The following RBL2 variants were observed in gnomAD, a reference collection of about 807,000 sequenced individuals.
RBL2 encodes the protein retinoblastoma-like protein 2.
A neutral mutation model predicts 126.0 loss-of-function variants in RBL2; 56 were observed. The ratio of observed to expected loss-of-function variants is 0.44; its 90% CI spans 0.36 to 0.56. RBL2 has a LOEUF of 0.56. Among genes scored for constraint, RBL2 ranks in the 20% least tolerant of loss-of-function variants. RBL2 has a pLI of 0.00. For missense variants in RBL2, 1,229 were observed against 1,398.2 expected, an observed-to-expected ratio of 0.88 and a Z score of 1.93; for synonymous variants, 454 against 478.5, an observed-to-expected ratio of 0.95 and a Z score of 0.67.
chr16:53,487,137 T>C (rs1961208301), intron 21 of RBL2, among the ~76,000 whole-genome samples: 1 of 152,328 alleles, frequency 6.6e-6, no homozygotes, highest in East Asian at 1.9e-4. Flanking sequence ...TTTCTCCCAA[T>C]TGATCTATAA....
intron 8 of RBL2, among the ~76,000 whole-genome samples, chr16:53,456,689 T>C (rs990503488): frequency 6.6e-6 from 1 of 152,250 alleles, no homozygotes; most frequent in South Asian, 2.1e-4. Context: ...GTTCTTCAGA[T>C]ATGCCAGGCA....
intron 17 of RBL2, among the ~76,000 whole-genome samples, chr16:53,475,848 T>C (rs1960709065): frequency 7.4e-6 from 1 of 135,116 alleles, no homozygotes; most frequent in Admixed American, 7.4e-5. Flanking sequence ...TTTTTTTTTT[T>C]TTTTTTTTTT....
At chr16:53,486,035 A>G (rs1332755013) in intron 21 of RBL2, among the ~76,000 whole-genome samples, 2 of 151,834 alleles carry the variant, frequency 1.3e-5, no homozygotes, top group Non-Finnish European at 2.9e-5. Context: ...TCATGCCTGT[A>G]ATCCCAGCAC....
intron 11 of RBL2, 83 bp downstream of exon 11, chr16:53,462,738 T>G (rs1232996693): frequency 3.5e-6 from 3 of 853,832 alleles, no homozygotes; most frequent in Non-Finnish European, 5.4e-6. Flanking sequence ...TTTTTTTTAC[T>G]TTATATATAG....
intron 3 of RBL2, among the ~76,000 whole-genome samples, chr16:53,443,507 G>T (rs536655530): frequency 1.1e-4 from 17 of 152,294 alleles, no homozygotes; most frequent in Admixed American, 1.0e-3. Context: ...CAGGAGAACT[G>T]AAACTATTAT....
At chr16:53,473,293 A>G (rs978518204) in intron 17 of RBL2, among the ~76,000 whole-genome samples, 3 of 152,112 alleles carry the variant, frequency 2.0e-5, no homozygotes, top group African/African-American at 4.8e-5. Flanking sequence ...TGCCATCTTA[A>G]CAATTTTATA....
In RBL2 at chr16:53,490,297, C is replaced by T; in HGVS notation, c.3417C>T (p.His1139=). 1.9e-6 allele frequency: 3 copies of T among 1,604,676 alleles called. No homozygotes were observed. The highest frequency in any genetic ancestry group is 2.6e-6 in the Non-Finnish European group (3 of 1,174,386). ...ATGTAGCTAATGACCGTGGTTCCCA[C>T]TGAGGTTAGTCTCTTGTATTAAACT... The part of the protein sequence containing the change: ...LQDVANDRGS[H] Residue 1139 remains histidine (H), a synonymous_variant, in exon 22 of 22, where the codon CAC becomes CAT. Transcript: ENST00000262133.
At chr16:53,466,812 G>A in intron 13 of RBL2, 1 of 367,488 alleles carries the variant, frequency 2.7e-6, no homozygotes, top group East Asian at 6.6e-5. Flanking sequence ...CTTTAGAGTG[G>A]TTGATATTCA....
intron 17 of RBL2, among the ~76,000 whole-genome samples, chr16:53,478,009 T>A (rs1960796760): frequency 6.6e-6 from 1 of 152,182 alleles, no homozygotes; most frequent in Non-Finnish European, 1.5e-5. Flanking sequence ...TTTGTTTATC[T>A]GAGAGTATAT....
At chr16:53,446,153 T>G (rs375551883) in intron 3 of RBL2, among the ~76,000 whole-genome samples, 7 of 152,282 alleles carry the variant, frequency 4.6e-5, no homozygotes, top group African/African-American at 1.7e-4. Flanking sequence ...TAAAAAAAAT[T>G]GAATTTTATT....
At chr16:53,482,947 A>G (rs1053126649) in intron 21 of RBL2, among the ~76,000 whole-genome samples, 1 of 152,186 alleles carries the variant, frequency 6.6e-6, no homozygotes, top group Non-Finnish European at 1.5e-5. Context: ...ATCCAAATGC[A>G]ATGCATGATT....
chr16:53,457,277 T>TTTTTTTTTTTTTTTTTTTTTTTTTG (rs1213898728), intron 8 of RBL2, among the ~76,000 whole-genome samples: 3 of 139,874 alleles, frequency 2.1e-5, no homozygotes, highest in Admixed American at 7.3e-5. Context: ...TTTTTTTTTT[T>TTTTTTTTTTTTTTTTTTTTTTTTTG]GAGATGGAGT....
At chr16:53,479,701 G>T in intron 18 of RBL2, 185 bp from the exon 19 acceptor site, 1 of 539,060 alleles carries the variant, frequency 1.9e-6, no homozygotes. Context: ...GGCATGTGAT[G>T]CTAGATGGGC....
intron 9 of RBL2, 121 bp downstream of exon 9, chr16:53,459,738 G>A: frequency 3.1e-6 from 3 of 953,592 alleles, no homozygotes; most frequent in Non-Finnish European, 4.5e-6. Context: ...TGTATACTCA[G>A]TCCTGTTGTG....
chr16:53,473,351 CTGT>C (rs1330259583), intron 17 of RBL2, among the ~76,000 whole-genome samples: 2 of 145,512 alleles, frequency 1.4e-5, no homozygotes, highest in Non-Finnish European at 3.1e-5. Flanking sequence ...TTTAGATCTT[CTGT>C]TTTTTTTTCA....
intron 17 of RBL2, among the ~76,000 whole-genome samples, chr16:53,471,636 T>A (rs1960529024): frequency 6.6e-6 from 1 of 152,016 alleles, no homozygotes; most frequent in Non-Finnish European, 1.5e-5. Context: ...GCCTGGCTAA[T>A]TTTTGCATTT....
rs2058311191 is a variant in RBL2, at chr16:53,470,404, G to A, written c.2267G>A (p.Gly756Glu). 1 of 1,613,180 alleles carries A rather than the reference G, an allele frequency of 6.2e-7. No individual in the cohort carries two copies. Among genetic ancestry groups the A allele is most frequent in the Non-Finnish European group, 8.5e-7 (1 of 1,179,262 alleles). Residue 756 changes from glycine to glutamate, a missense_variant, in exon 16 of 22, where the codon GGG (glycine) becomes GAG (glutamate). Around this residue, in one of 2 missense-constraint regions of RBL2, gnomAD observed 1,070 missense variants for 1,274.3 expected, o/e 0.84. Coordinates refer to ENST00000262133, the MANE Select transcript of RBL2 (RefSeq NM_005611.4). ...PVQGIANENGGITFFPVQVNV... is the reference protein window; with the variant it reads ...PVQGIANENGEITFFPVQVNV... ...CTAGGTATTGCCAATGAAAATGGAG[G>A]GATAACATTCTTCCCTGTCCAAGTC... is the stretch of plus-strand genomic sequence containing the variant.
chr16:53,464,242 A>T lies in RBL2; in HGVS notation c.1577A>T (p.Asp526Val), dbSNP rs766790959. ...ATTTTATAGGGTATTCTGGAACAAG[A>T]TGCGTTCCACAGATCTCTCTTGGCC... is the stretch of plus-strand genomic sequence containing the variant. Reference protein sequence around the residue: ...DMDLSGILEQDAFHRSLLACC... With the variant: ...DMDLSGILEQVAFHRSLLACC... The change falls in exon 12 of 22, where the codon GAT (aspartate) becomes GTT (valine). Residue 526 changes from aspartate (D) to valine (V), a missense_variant. Transcript: ENST00000262133. 1.3e-6 allele frequency: 2 copies of T among 1,581,170 alleles called. No homozygotes were observed. The highest frequency in any genetic ancestry group is 2.3e-5 in the South Asian group (2 of 85,292).
At chr16:53,481,989 T>C (rs1960971672) in intron 21 of RBL2, among the ~76,000 whole-genome samples, 154 bp downstream of exon 21, 1 of 152,066 alleles carries the variant, frequency 6.6e-6, no homozygotes, top group African/African-American at 2.4e-5. Flanking sequence ...CCAGGGTTTG[T>C]TTTGTTTTTT....
Sources: gnomAD v4.1 joint callset for allele counts (sites outside exome capture counted in the v4.1 genomes callset) on GRCh38, gnomAD v4.1.1 for gene constraint, gnomAD v4.1.1 regional missense constraint, MANE v1.5 for transcripts, NCBI Gene and HGNC (gene_info 2026-07-23, HGNC 2026-07-21) for gene names.